The following PCSK7 variants were observed in gnomAD, a reference collection of about 807,000 sequenced individuals.
PCSK7 encodes the protein lymphoma proprotein convertase.
Under a neutral mutation model 73.3 loss-of-function variants are expected in PCSK7, and 38 were observed. The observed-to-expected ratio is 0.52, with a 90% confidence interval of 0.40 to 0.68. The LOEUF (loss-of-function observed/expected upper bound fraction) is 0.68. PCSK7 is among the 30% of genes least tolerant of loss of function. The pLI is 0.00. For missense variants in PCSK7, 692 were observed against 991.5 expected, an observed-to-expected ratio of 0.70 and a Z score of 4.06; for synonymous variants, 296 against 383.8, an observed-to-expected ratio of 0.77 and a Z score of 2.68.
chr11:117,223,723 A>G, intron 8 of PCSK7: 1 of 354,422 alleles, frequency 2.8e-6, no homozygotes, highest in Non-Finnish European at 5.2e-6. Flanking sequence ...AAATAAACAC[A>G]TGCTAACTGG....
At chr11:117,219,025 C>T in intron 11 of PCSK7, 32 bp downstream of exon 11, 4 of 1,500,310 alleles carry the variant, frequency 2.7e-6, no homozygotes, top group Non-Finnish European at 3.7e-6. Flanking sequence ...TCACTCCACA[C>T]AGGGCACCCT....
chr11:117,207,026 C>T (rs1214710477), intron 15 of PCSK7, 41 bp downstream of exon 15: 2 of 1,535,692 alleles, frequency 1.3e-6, no homozygotes, highest in Non-Finnish European at 1.8e-6. Flanking sequence ...GGCCCTTCCC[C>T]TGTGACTGGC....
At position 117,228,328 on chromosome 11, in the gene PCSK7, C is replaced by G. The variant is rs1321704647; in HGVS notation, c.491G>C (p.Arg164Thr). 2 of 1,614,130 alleles carry G rather than the reference C, an allele frequency of 1.2e-6. No individual in the cohort carries two copies. The highest frequency in any genetic ancestry group is 1.7e-6 in the Non-Finnish European group (2 of 1,179,962). Residue 164 changes from arginine (R) to threonine (T), a missense_variant, in exon 4 of 17, where the codon AGG becomes ACG. Arg to Thr is a moderately conservative substitution (Grantham distance 71). Coordinates refer to ENST00000320934, the MANE Select transcript of PCSK7 (RefSeq NM_004716.4). ...CCACACACCCGTCACGTTGATGTCC[C>G]TGCCCGGGCTCCGTCGGTTATTCTG... The part of the protein sequence containing the change: ...WHLNNRRSPG[R>T]DINVTGVWER...
Position 117,208,929 on chromosome 11 carries a change from C to T in PCSK7, c.1659G>A (p.Met553Ile). The T allele has an allele frequency of 2.5e-6, 4 of 1,613,008 alleles. No individual in the cohort carries two copies. Among genetic ancestry groups the T allele is most frequent in the South Asian group, 1.1e-5 (1 of 90,764 alleles). ...ELKLFCPSGM[M>I]SLIGAPRSMD... The stretch of plus-strand genomic sequence containing the variant: ...TGCTGCGGGGGGCGCCGATGAGGGA[C>T]ATCATGCCACTGGGGCAGAACAGCT... The change falls in exon 13 of 17, where the codon ATG becomes ATA. Residue 553 changes from methionine (M) to isoleucine (I), a missense_variant. Met to Ile is a conservative substitution (Grantham distance 10, BLOSUM62 1). Transcript: ENST00000320934.
Position 117,229,453 on chromosome 11 carries a change from G to A in PCSK7, c.392C>T (p.Ser131Leu), listed in dbSNP as rs1204690726. 2 of 1,611,088 alleles carry A rather than the reference G, an allele frequency of 1.2e-6. No individual in the cohort carries two copies. Among genetic ancestry groups the A allele is most frequent in the South Asian group, 1.1e-5 (1 of 91,090 alleles). ...GGCCCGCCTTAGCAGCCTCTGCTCT[G>A]AGTGCCAGCGCACAGCTTCATGCCC... The part of the protein sequence containing the change: ...LAGHEAVRWH[S>L]EQRLLRRAKR... Residue 131 changes from serine to leucine, a missense_variant, in exon 3 of 17, where the codon TCA (serine) becomes TTA (leucine). Transcript: ENST00000320934.
chr11:117,226,884 A>G (rs571585698), intron 5 of PCSK7: 37 of 362,204 alleles, frequency 1.0e-4, no homozygotes, highest in Non-Finnish European at 1.1e-4. Context: ...CTGCCACCAT[A>G]GACGTATCGG....
intron 1 of PCSK7, among the ~76,000 whole-genome samples, chr11:117,230,729 A>T (rs57157718): frequency 0.085 from 12,940 of 152,156 alleles, 673 homozygotes; most frequent in East Asian, 0.16. Context: ...AGTTACCAAA[A>T]TGCCTCTTGA....
intron 12 of PCSK7, chr11:117,212,589 T>C (rs532562801): frequency 6.6e-6 from 1 of 152,206 alleles, no homozygotes; most frequent in African/African-American, 2.4e-5. Flanking sequence ...ATTTTTGTAT[T>C]TTTAGTAGAG....
chr11:117,217,979 G>A (rs1337333251), intron 12 of PCSK7: 1 of 152,386 alleles, frequency 6.6e-6, no homozygotes, highest in Admixed American at 6.5e-5. Context: ...CTAAAGCCTA[G>A]GAGACTTCTA....
At position 117,229,798 on chromosome 11, in the gene PCSK7, C is replaced by A; in HGVS notation, c.47G>T (p.Gly16Val). 1 of 1,599,832 alleles carries A rather than the reference C, an allele frequency of 6.3e-7. No individual in the cohort carries two copies. The change falls in exon 3 of 17, where the codon GGC (glycine) becomes GTC (valine). Residue 16 changes from glycine (G) to valine (V), a missense_variant. Physicochemically the swap from Gly to Val is moderately radical, Grantham distance 109. This residue lies in a region of PCSK7 where 574 missense variants were observed against 689.8 expected (regional missense o/e 0.83). Transcript: ENST00000320934. ...TTCCAGCCAGAGGCAGGTGGGCAGG[C>A]CCAGGGGGGCATCCAAGTGTGGCAC... Reference protein sequence around the residue: ...QKVPHLDAPLGLPTCLWLELA... With the variant: ...QKVPHLDAPLVLPTCLWLELA...
chr11:117,213,956 C>CTTTTTTTTTTTTTTTTTT (rs1174445276), intron 12 of PCSK7: 3 of 93,960 alleles, frequency 3.2e-5, no homozygotes, highest in East Asian at 3.0e-4. Context: ...TTTTCTTTTT[C>CTTTTTTTTTTTTTTTTTT]TTTTTTTTTT....
chr11:117,223,870 T>C (rs1334716837), intron 8 of PCSK7: 1 of 569,734 alleles, frequency 1.8e-6, no homozygotes, highest in African/African-American at 1.9e-5. Flanking sequence ...AGCTCGGTGA[T>C]CTCCAGATGA....
intron 10 of PCSK7, 86 bp downstream of exon 10, chr11:117,219,505 T>C: frequency 8.0e-7 from 1 of 1,247,154 alleles, no homozygotes; most frequent in Non-Finnish European, 1.1e-6. Flanking sequence ...ATCTAACATT[T>C]GGGACATTGA....
intron 9 of PCSK7, chr11:117,220,511 G>A (rs3882897): frequency 0.28 from 42,062 of 151,388 alleles, 6,564 homozygotes; most frequent in African/African-American, 0.43. Flanking sequence ...CCAAAGTGTC[G>A]GGATTAACAG....
At chr11:117,222,960 A>T (rs541198865) in intron 9 of PCSK7, 1 of 475,304 alleles carries the variant, frequency 2.1e-6, no homozygotes, top group East Asian at 3.8e-5. Flanking sequence ...TGTGACACTT[A>T]GTTTCTAAAA....
Position 117,209,017 on chromosome 11 carries a change from G to T in PCSK7, c.1571C>A (p.Thr524Asn), listed in dbSNP as rs767860428. Residue 524 changes from threonine (T) to asparagine (N), a missense_variant, in exon 13 of 17, where the codon ACC becomes AAC. Physicochemically the swap from Thr to Asn is moderately conservative, Grantham distance 65 (BLOSUM62 0). Around this residue, in one of 6 missense-constraint regions of PCSK7, gnomAD observed 8 missense variants for 48.2 expected, o/e 0.17. Coordinates refer to ENST00000320934, the MANE Select transcript of PCSK7 (RefSeq NM_004716.4). ...GACTGTCACTGCCACATGCTCCAGG[G>T]TCTTCAGCCCTGACATCTCCAGGTC... The part of the protein sequence containing the change: ...RMDLEMSGLK[T>N]LEHVAVTVSI... The T allele has an allele frequency of 1.9e-6, 3 of 1,598,090 alleles. No homozygotes were observed. The highest frequency in any genetic ancestry group is 4.5e-5 in the East Asian group (2 of 44,106).
chr11:117,229,362 C>T lies in PCSK7; in HGVS notation c.468+15G>A. Reference sequence around the variant, plus strand: ...CCTACCCACCTGAAACTGCAAACTGCAGGACTGGACTCACCAGGTGCCATT... The same window carrying T: ...CCTACCCACCTGAAACTGCAAACTGTAGGACTGGACTCACCAGGTGCCATT... On this transcript the variant is annotated intron_variant, in intron 3 of 16. Transcript: ENST00000320934. The T allele has an allele frequency of 1.3e-6, 2 of 1,589,250 alleles. No individual in the cohort carries two copies. Among genetic ancestry groups the T allele is most frequent in the Non-Finnish European group, 1.7e-6 (2 of 1,169,630 alleles).
chr11:117,213,277 T>C (rs553199841), intron 12 of PCSK7: 2 of 152,192 alleles, frequency 1.3e-5, no homozygotes, highest in Admixed American at 1.3e-4. Flanking sequence ...GATTGAGAGA[T>C]ATTTCACAGA....
chr11:117,215,074 G>A (rs2031903438), intron 12 of PCSK7: 1 of 152,192 alleles, frequency 6.6e-6, no homozygotes, highest in Non-Finnish European at 1.5e-5. Context: ...TCAGCGGGGA[G>A]AGAGAAAAAT....
Sources: allele counts gnomAD v4.1 joint callset (sites outside exome capture counted in the v4.1 genomes callset), GRCh38; gene constraint gnomAD v4.1.1; regional missense constraint gnomAD v4.1.1; transcripts MANE v1.5; gene names NCBI Gene and HGNC (gene_info 2026-07-23, HGNC 2026-07-21).